ABTB3: variants seen among roughly 807,000 people sequenced by gnomAD.
ABTB3 encodes the protein ankyrin repeat and BTB domain containing 3.
the ABTB3 span, chr12:107,520,549 G>A: frequency 2.5e-6 from 4 of 1,614,094 alleles, no homozygotes; most frequent in African/African-American, 2.7e-5. Context: ...AAACAAGCCA[G>A]GGGAACTGCC....
At chr12:107,350,278 G>A in the ABTB3 span, among the ~76,000 whole-genome samples, 3 of 152,220 alleles carry the variant, frequency 2.0e-5, no homozygotes, top group East Asian at 1.9e-4. Context: ...CTGGCTGGGC[G>A]CAGTGGCTCA....
At chr12:107,566,179 T>C in the ABTB3 span, among the ~76,000 whole-genome samples, 1 of 152,230 alleles carries the variant, frequency 6.6e-6, no homozygotes, top group South Asian at 2.1e-4. Flanking sequence ...TTTTCCTTGA[T>C]TTTTAATTCT....
the ABTB3 span, among the ~76,000 whole-genome samples, chr12:107,368,058 C>T: frequency 1.6e-4 from 24 of 152,224 alleles, no homozygotes; most frequent in Admixed American, 1.6e-3. Flanking sequence ...TTATTTCTAA[C>T]AGCTGCACAG....
At chr12:107,371,925 A>G in the ABTB3 span, among the ~76,000 whole-genome samples, 3 of 152,188 alleles carry the variant, frequency 2.0e-5, no homozygotes, top group Admixed American at 6.5e-5. Context: ...GCTACTGATG[A>G]GAATCGGCAT....
chr12:107,527,960 T>C, the ABTB3 span, among the ~76,000 whole-genome samples: 1 of 152,184 alleles, frequency 6.6e-6, no homozygotes, highest in Non-Finnish European at 1.5e-5. Flanking sequence ...TCCAGTTTTA[T>C]AGTCTGTGAG....
At chr12:107,532,967 G>A in the ABTB3 span, among the ~76,000 whole-genome samples, 1 of 152,012 alleles carries the variant, frequency 6.6e-6, no homozygotes, top group African/African-American at 2.4e-5. Context: ...GTCTTCCCAG[G>A]ACAACCAAAA....
the ABTB3 span, among the ~76,000 whole-genome samples, chr12:107,508,547 G>A: frequency 2.9e-5 from 4 of 139,330 alleles, no homozygotes; most frequent in Non-Finnish European, 4.6e-5. Context: ...CTCCACCTCC[G>A]GGGTTCAAGC....
At chr12:107,328,585 TA>T in the ABTB3 span, among the ~76,000 whole-genome samples, 1 of 152,212 alleles carries the variant, frequency 6.6e-6, no homozygotes, top group Non-Finnish European at 1.5e-5. Flanking sequence ...AACCAGGGAC[TA>T]TTCCAGGATT....
chr12:107,564,574 C>T, the ABTB3 span, among the ~76,000 whole-genome samples: 1 of 152,184 alleles, frequency 6.6e-6, no homozygotes, highest in Admixed American at 6.5e-5. Context: ...TTTGGCAGCA[C>T]TAGGATCAAA....
the ABTB3 span, among the ~76,000 whole-genome samples, chr12:107,376,882 G>A: frequency 5.9e-5 from 9 of 152,152 alleles, no homozygotes; most frequent in Non-Finnish European, 1.2e-4. Flanking sequence ...GGGCCCAGAG[G>A]TATAAGGGGC....
the ABTB3 span, among the ~76,000 whole-genome samples, chr12:107,473,950 T>C: frequency 8.2e-3 from 1,239 of 151,500 alleles, 22 homozygotes; most frequent in African/African-American, 0.028. Context: ...ACTTGGCTAA[T>C]TTTTTGTATT....
chr12:107,377,474 C>T, the ABTB3 span, among the ~76,000 whole-genome samples: 1 of 150,900 alleles, frequency 6.6e-6, no homozygotes, highest in Non-Finnish European at 1.5e-5. Flanking sequence ...CGTTTATGCT[C>T]ATCTCCATCT....
the ABTB3 span, among the ~76,000 whole-genome samples, chr12:107,542,803 A>G: frequency 6.6e-6 from 1 of 152,240 alleles, no homozygotes; most frequent in African/African-American, 2.4e-5. Flanking sequence ...ATTATTAAGG[A>G]AACCATAAGG....
the ABTB3 span, among the ~76,000 whole-genome samples, chr12:107,510,400 C>T: frequency 1.3e-5 from 2 of 151,906 alleles, no homozygotes; most frequent in African/African-American, 4.8e-5. Context: ...ACAATCATCT[C>T]CTGCTTGTAG....
chr12:107,393,473 A>T, the ABTB3 span, among the ~76,000 whole-genome samples: 3 of 152,134 alleles, frequency 2.0e-5, 1 homozygote, highest in South Asian at 6.2e-4. Context: ...GAGCTCTAGA[A>T]CTTAGACGCC....
the ABTB3 span, among the ~76,000 whole-genome samples, chr12:107,489,493 C>T: frequency 6.6e-6 from 1 of 152,112 alleles, no homozygotes; most frequent in African/African-American, 2.4e-5. Context: ...GCTCTCCAGC[C>T]TGGGTGACGA....
At chr12:107,630,549 T>C in the ABTB3 span, among the ~76,000 whole-genome samples, 1 of 151,806 alleles carries the variant, frequency 6.6e-6, no homozygotes. Context: ...GCTCAAGCCA[T>C]CCTCCCACCT....
At chr12:107,412,786 C>T in the ABTB3 span, among the ~76,000 whole-genome samples, 1 of 151,920 alleles carries the variant, frequency 6.6e-6, no homozygotes, top group Admixed American at 6.6e-5. Flanking sequence ...TTTGTTGCCC[C>T]TCCCCCTCCA....
the ABTB3 span, among the ~76,000 whole-genome samples, chr12:107,553,263 G>A: frequency 1.3e-5 from 2 of 152,186 alleles, no homozygotes; most frequent in African/African-American, 4.8e-5. Flanking sequence ...ACTTACAAAT[G>A]TGGCAGGCCC....
Sources: gnomAD v4.1 joint callset for allele counts (sites outside exome capture counted in the v4.1 genomes callset) on GRCh38, gnomAD v4.1.1 for gene constraint, MANE v1.5 for transcripts, NCBI Gene and HGNC (gene_info 2026-07-23, HGNC 2026-07-21) for gene names.